Variants in FKBP4 observed in about 807,000 individuals in gnomAD.
FKBP4 encodes the protein peptidyl-prolyl cis-trans isomerase FKBP4.
A neutral mutation model predicts 54.1 loss-of-function variants in FKBP4; 28 were observed. The observed-to-expected ratio is 0.52, with a 90% CI of 0.38 to 0.71. The LOEUF is 0.71. Ranked by LOEUF, FKBP4 falls within the 30% of genes least tolerant of loss-of-function variation. FKBP4 has a pLI of 0.00. For missense variants in FKBP4, 493 were observed against 574.4 expected (o/e 0.86, Z 1.45); for synonymous variants, 223 against 216.1 (o/e 1.03, Z -0.28).
At position 2,796,686 on chromosome 12, in the gene FKBP4, C is replaced by T. The variant is rs182074022; in HGVS notation, c.106-452C>T. The T allele has an allele frequency of 4.6e-6, 5 of 1,081,966 alleles. No individual in the cohort carries two copies. In the African/African-American group the frequency reaches 6.6e-5, roughly 14 times the overall value. The allele number at this position is 1,081,966 out of a possible 1,614,324, so 67.0% of individuals were successfully genotyped here. On this transcript the variant is annotated intron_variant, in intron 1 of 9. Coordinates refer to ENST00000001008, the MANE Select transcript of FKBP4 (RefSeq NM_002014.4). ...TCCTCTCGCTCTCCTGTCTCCAAAC[C>T]AGACCTTAGTCTGACGACCACTGGC... is the stretch of plus-strand genomic sequence containing the variant.
Position 2,795,044 on chromosome 12 carries a change from G to T in FKBP4, c.-96G>T. On this transcript the variant is annotated 5_prime_UTR_variant, in exon 1 of 10. Transcript: ENST00000001008. This position sits in a 1 kb window ranked among gnomAD's most constrained non-coding sequence, Gnocchi z 4.3. ...GTCCGCAGTCAGTGCCGCCGCGCCC[G>T]GCCTCCCGCACGCCCCGCAGGTAGC... is the stretch of plus-strand genomic sequence containing the variant. 3 of 677,532 alleles carry T rather than the reference G, an allele frequency of 4.4e-6. No individual in the cohort carries two copies. Among genetic ancestry groups the T allele is most frequent in the Non-Finnish European group, 6.1e-6 (3 of 488,956 alleles). The allele number at this position is 677,532 out of a possible 1,614,324, so 42.0% of individuals were successfully genotyped here. A position where few individuals can be genotyped will look rare whatever the true frequency, so the allele number is the denominator to read the frequency against.
intron 9 of FKBP4, chr12:2,801,624 C>G (rs538137092): frequency 2.7e-5 from 15 of 549,970 alleles, no homozygotes; most frequent in Non-Finnish European, 4.5e-5. Flanking sequence ...CGCCGTGGCT[C>G]ACACCTGCAA....
intron 7 of FKBP4, 109 bp from the exon 8 acceptor site, chr12:2,800,283 G>A: frequency 7.2e-7 from 1 of 1,396,580 alleles, no homozygotes; most frequent in East Asian, 2.4e-5. Context: ...CCAGTGGGAA[G>A]GGTGGGAGCA....
chr12:2,801,338 GGCTGAGGAGGAGAACAA>G lies in FKBP4; in HGVS notation c.1256_1272del (p.Ala419GlyfsTer13). The G allele has an allele frequency of 6.2e-7, 1 of 1,614,192 alleles. No individual in the cohort carries two copies. Among genetic ancestry groups the G allele is most frequent in the African/African-American group, 1.3e-5 (1 of 75,058 alleles). On this transcript the variant is annotated frameshift_variant and splice_region_variant, in exon 9 of 10. Transcript: ENST00000001008. LOFTEE classifies it low-confidence loss of function (END_TRUNC). ...TCTATGCCAATATGTTTGAGAGGCT[GGCTGAGGAGGAGAACAA>G]GGTGAGGATTGGGGTGGGGAACAGT...
At chr12:2,801,659 T>C (rs759569275) in intron 9 of FKBP4, 7 of 509,290 alleles carry the variant, frequency 1.4e-5, no homozygotes, top group South Asian at 9.3e-5. Flanking sequence ...AGAGCCAAAG[T>C]GGGAGGATCA....
rs181882117 is a variant in FKBP4, at chr12:2,800,035, G to A, written c.763-4G>A. 6.4e-4 allele frequency: 1,037 copies of A among 1,614,132 alleles called. 5 individuals are homozygous for A. The African/African-American group carries it at 0.012, about 19-fold the overall frequency. ...AACTTTGTTTCTCTCCTGGGGTGTG[G>A]CAGGCCAAGGAGTCTTGGGAGATGA... On this transcript the variant is annotated splice_region_variant and splice_polypyrimidine_tract_variant and intron_variant, in intron 6 of 9. Coordinates refer to ENST00000001008, the MANE Select transcript of FKBP4 (RefSeq NM_002014.4).
chr12:2,800,487 A>T lies in FKBP4; in HGVS notation c.942A>T (p.Ala314=). 1 of 1,614,220 alleles carries T rather than the reference A, an allele frequency of 6.2e-7. No individual in the cohort carries two copies. Among genetic ancestry groups the T allele is most frequent in the Non-Finnish European group, 8.5e-7 (1 of 1,180,036 alleles). Residue 314 remains alanine (A), a synonymous_variant, in exon 8 of 10, where the codon GCA becomes GCT. Transcript: ENST00000001008. ...SSFSNEEAQK[A]QALRLASHLN... ...TTTCCAATGAGGAAGCACAGAAAGC[A>T]CAGGCCCTTCGACTGGCCTCTCACC...
chr12:2,797,042 A>C, intron 1 of FKBP4, 96 bp from the exon 2 acceptor site: 1 of 1,536,874 alleles, frequency 6.5e-7, no homozygotes, highest in African/African-American at 1.4e-5. Flanking sequence ...AACACAGAGA[A>C]GTCCCTTTAT....
chr12:2,801,132 A>G lies in FKBP4; in HGVS notation c.1048A>G (p.Ser350Gly), dbSNP rs1029935397. Residue 350 changes from serine (S) to glycine (G), a missense_variant, in exon 9 of 10, where the codon AGC (serine) becomes GGC (glycine). By Grantham distance (56) the Ser-to-Gly change is moderately conservative. Coordinates refer to ENST00000001008, the MANE Select transcript of FKBP4 (RefSeq NM_002014.4). The stretch of plus-strand genomic sequence containing the variant: ...CATTCTTTAGGCCCTAGAACTGGAC[A>G]GCAACAACGAGAAGGGCCTCTTCCG... The part of the protein sequence containing the change: ...ESCNKALELD[S>G]NNEKGLFRRG... 6.2e-7 allele frequency: 1 copy of G among 1,613,964 alleles called. No individual in the cohort carries two copies. Among genetic ancestry groups the G allele is most frequent in the South Asian group, 1.1e-5 (1 of 91,070 alleles).
rs755133039 is a variant in FKBP4 at position 2,797,836 on chromosome 12, C to G, written c.358C>G (p.Pro120Ala). ...EYAYGSAGSP[P>A]KIPPNATLVF... ...TGCCTACGGTTCAGCAGGCAGTCCT[C>G]CAAAGATTCCCCCCAATGCCACGCT... The change falls in exon 3 of 10, where the codon CCA becomes GCA. Residue 120 changes from proline to alanine, a missense_variant. Transcript: ENST00000001008. The G allele has an allele frequency of 6.2e-6, 10 of 1,613,988 alleles. No homozygotes were observed.
Position 2,798,811 on chromosome 12 carries a change from G to A in FKBP4, c.499G>A (p.Gly167Ser), listed in dbSNP as rs1185483685. Residue 167 changes from glycine to serine, a missense_variant, in exon 4 of 10, where the codon GGT (glycine) becomes AGT (serine). Coordinates refer to ENST00000001008, the MANE Select transcript of FKBP4 (RefSeq NM_002014.4). This position sits in a 1 kb window ranked among gnomAD's most constrained non-coding sequence, Gnocchi z 4.3. ...TGAAGGCTATGCTAAGCCCAATGAG[G>A]GTGCTATCGTGGAGGGTGAGACAGT... The part of the protein sequence containing the change: ...RGEGYAKPNE[G>S]AIVEVALEGY... The A allele has an allele frequency of 6.2e-7, 1 of 1,614,044 alleles. No homozygotes were observed. Among genetic ancestry groups the A allele is most frequent in the Non-Finnish European group, 8.5e-7 (1 of 1,180,042 alleles).
rs2097901508 is a variant in FKBP4, at chr12:2,795,875, C to G, written c.105+631C>G. The G allele has an allele frequency of 1.1e-6, 1 of 873,082 alleles. No homozygotes were observed. The highest frequency in any genetic ancestry group is 5.0e-5 in the South Asian group (1 of 19,944). 54.1% of individuals were successfully genotyped at this position (873,082 alleles called of 1,614,324 possible). On this transcript the variant is annotated intron_variant, in intron 1 of 9. Transcript: ENST00000001008. This position sits in a 1 kb window ranked among gnomAD's most constrained non-coding sequence, Gnocchi z 4.3. ...AGGTCCCCACTCGCCGCGCGGCGCCCCCTCCCTCGGCCCCGGGGAGGCCGG... is the reference window on the plus strand; with the variant it reads ...AGGTCCCCACTCGCCGCGCGGCGCCGCCTCCCTCGGCCCCGGGGAGGCCGG...
At chr12:2,800,975 C>T (rs2097904414) in intron 8 of FKBP4, 142 bp from the exon 9 acceptor site, 1 of 1,081,632 alleles carries the variant, frequency 9.2e-7, no homozygotes, top group African/African-American at 1.6e-5. Context: ...TTTAATGCCT[C>T]AGGCCTTGTT....
chr12:2,796,707 C>T (rs1223073259), intron 1 of FKBP4: 3 of 1,070,710 alleles, frequency 2.8e-6, no homozygotes, highest in Non-Finnish European at 3.4e-6. Context: ...CTGACGACCA[C>T]TGGCATGAAG....
Position 2,803,298 on chromosome 12 carries a change from C to A in FKBP4, c.*40C>A. The A allele has an allele frequency of 7.3e-7, 1 of 1,365,266 alleles. No individual in the cohort carries two copies. The highest frequency in any genetic ancestry group is 1.0e-6 in the Non-Finnish European group (1 of 985,320). The allele number at this position is 1,365,266 out of a possible 1,614,324, so 84.6% of individuals were successfully genotyped here. On this transcript the variant is annotated 3_prime_UTR_variant, in exon 10 of 10. Coordinates refer to ENST00000001008, the MANE Select transcript of FKBP4 (RefSeq NM_002014.4). ...CCCTACTCCTGCGGCTGCCTGCCCC[C>A]CAGTCTCCCCACTCCACCCTGTTAG...
At chr12:2,800,968 A>T in intron 8 of FKBP4, 149 bp from the exon 9 acceptor site, 1 of 969,286 alleles carries the variant, frequency 1.0e-6, no homozygotes, top group Non-Finnish European at 1.5e-6. Flanking sequence ...TGTTCCATTT[A>T]ATGCCTCAGG....
Position 2,798,037 on chromosome 12 carries a change from GAAGT to G in FKBP4, c.393+169_393+172del, listed in dbSNP as rs375386665. Among the ~76,000 whole-genome samples, 15 of 152,312 alleles carry G rather than the reference GAAGT, an allele frequency of 9.8e-5. No homozygotes were observed. The highest frequency in any genetic ancestry group is 3.6e-4 in the African/African-American group (15 of 41,562). On this transcript the variant is annotated intron_variant, in intron 3 of 9. Transcript: ENST00000001008. The surrounding 1 kb of genome is among the most constrained non-coding windows in gnomAD (Gnocchi z 4.3). ...GAGGGCTCTGCTGCTGCTAGTAATG[GAAGT>G]AATAGAAGCTTCGGGTGGGAAGAGG...
At chr12:2,802,018 C>G (rs1282629012) in intron 9 of FKBP4, among the ~76,000 whole-genome samples, 1 of 151,626 alleles carries the variant, frequency 6.6e-6, no homozygotes, top group Non-Finnish European at 1.5e-5. Flanking sequence ...TAGCTGGAGG[C>G]TTATTTTACA....
At chr12:2,797,415 T>TC in intron 2 of FKBP4, 133 bp downstream of exon 2, 1 of 875,814 alleles carries the variant, frequency 1.1e-6, no homozygotes, top group Admixed American at 3.0e-5. Flanking sequence ...CGGTCACTCT[T>TC]TTTTTTTTTT....
Sources: gnomAD v4.1 joint callset for allele counts (sites outside exome capture counted in the v4.1 genomes callset) on GRCh38, gnomAD v4.1.1 for gene constraint, Gnocchi (gnomAD v3.1) non-coding constraint, MANE v1.5 for transcripts, NCBI Gene and HGNC (gene_info 2026-07-23, HGNC 2026-07-21) for gene names.